The following PTPRM variants were observed in gnomAD, a reference collection of about 807,000 sequenced individuals.
PTPRM encodes receptor-type tyrosine-protein phosphatase mu.
A neutral mutation model predicts 186.7 loss-of-function variants in PTPRM; 47 were observed. That is an observed-to-expected ratio of 0.25 (90% CI 0.20 to 0.32). The LOEUF is 0.32. Among genes scored for constraint, PTPRM ranks in the 10% least tolerant of loss-of-function variants. The pLI, the probability that PTPRM is intolerant of heterozygous loss-of-function variation, is 1.00. For missense variants in PTPRM, 1,494 were observed against 1,865.0 expected, an observed-to-expected ratio of 0.80 and a Z score of 3.66; for synonymous variants, 668 against 674.9, an observed-to-expected ratio of 0.99 and a Z score of 0.16.
chr18:8,334,156 G>C (rs1038927972), intron 22 of PTPRM, among the ~76,000 whole-genome samples: 5 of 152,346 alleles, frequency 3.3e-5, no homozygotes, highest in East Asian at 1.9e-4. Context: ...CTGGCAGGGA[G>C]CCATCTAGTT....
chr18:8,185,314 G>A (rs2093627833), intron 14 of PTPRM, among the ~76,000 whole-genome samples: 1 of 152,200 alleles, frequency 6.6e-6, no homozygotes, highest in Admixed American at 6.5e-5. Flanking sequence ...CCTGTGCTGT[G>A]CAGGCCACAC....
At chr18:7,674,218 G>A (rs8082872) in intron 1 of PTPRM, among the ~76,000 whole-genome samples, 14,901 of 152,134 alleles carry the variant, frequency 0.098, 1,019 homozygotes, top group South Asian at 0.19. Flanking sequence ...CTATGTCATC[G>A]GTGTTGGGGA....
intron 11 of PTPRM, among the ~76,000 whole-genome samples, chr18:8,101,943 T>A (rs1161642155): frequency 6.6e-6 from 1 of 152,188 alleles, no homozygotes. Context: ...TACAGGCATA[T>A]CTTGGAGTTA....
intron 1 of PTPRM, among the ~76,000 whole-genome samples, chr18:7,743,771 AC>A (rs1291626273): frequency 6.6e-6 from 1 of 152,244 alleles, no homozygotes; most frequent in African/African-American, 2.4e-5. Flanking sequence ...TTATAGAGAA[AC>A]CTATGCTTGT....
chr18:8,254,415 G>A (rs2094555918), intron 19 of PTPRM, among the ~76,000 whole-genome samples: 1 of 152,230 alleles, frequency 6.6e-6, no homozygotes, highest in Admixed American at 6.5e-5. Flanking sequence ...AGCAGGACAG[G>A]AAAGTTGGAT....
chr18:7,977,797 A>G (rs576040867), intron 7 of PTPRM, among the ~76,000 whole-genome samples: 230 of 152,140 alleles, frequency 1.5e-3, no homozygotes, highest in African/African-American at 5.2e-3. Flanking sequence ...TTCATAATAC[A>G]GTTCTATGTC....
At position 8,326,304 on chromosome 18, in the gene PTPRM, A is replaced by T. The variant is rs117648870; in HGVS notation, c.2956+7090A>T. Among the ~76,000 whole-genome samples, 97 of 152,346 alleles carry T rather than the reference A, an allele frequency of 6.4e-4. 1 individual carries two copies. In the East Asian group the frequency reaches 0.017, roughly 26 times the overall value. ...TCAGGGATGATACAAACAGTGAAAAAATATTCCATGCTCATGGATAGGAAG... is the reference window on the plus strand; with the variant it reads ...TCAGGGATGATACAAACAGTGAAAATATATTCCATGCTCATGGATAGGAAG... On this transcript the variant is annotated intron_variant, in intron 22 of 32. Transcript: ENST00000580170.
rs1253219556 is a variant in PTPRM at position 7,712,649 on chromosome 18, A to G, written c.74-61500A>G. Among the ~76,000 whole-genome samples, 9 of 152,010 alleles carry G rather than the reference A, an allele frequency of 5.9e-5. No homozygotes were observed. In the East Asian group the frequency reaches 1.8e-3, roughly 30 times the overall value. On this transcript the variant is annotated intron_variant, in intron 1 of 32. Coordinates refer to ENST00000580170, the MANE Select transcript of PTPRM (RefSeq NM_001105244.2). ...AAAGGTTAGAGGAATTGCTAAGTGG[A>G]ATAACCAGTTTAGAGAAGAACATAA...
At chr18:8,383,464 CT>C (rs1388967679) in intron 29 of PTPRM, among the ~76,000 whole-genome samples, 2 of 151,998 alleles carry the variant, frequency 1.3e-5, no homozygotes, top group Non-Finnish European at 2.9e-5. Flanking sequence ...GCAGTTCTTC[CT>C]TCCTGACTAT....
chr18:7,851,188 G>A (rs781667466), intron 2 of PTPRM, among the ~76,000 whole-genome samples: 17 of 152,070 alleles, frequency 1.1e-4, no homozygotes, highest in Non-Finnish European at 2.5e-4. Context: ...ACAAAAGAAC[G>A]GAAAACACCA....
At chr18:8,390,882 C>T (rs149030293) in intron 31 of PTPRM, among the ~76,000 whole-genome samples, 3,744 of 151,590 alleles carry the variant, frequency 0.025, 58 homozygotes, top group South Asian at 0.03. Flanking sequence ...GAGTCAAGAT[C>T]GTGCCACTGC....
rs1294627872 is a variant in PTPRM, at chr18:7,567,431, G to GCGGCCA, written c.-374_-369dup. On this transcript the variant is annotated 5_prime_UTR_variant, in exon 1 of 33. Transcript: ENST00000580170. The surrounding 1 kb of genome is among the most constrained non-coding windows in gnomAD (Gnocchi z 4.3). Reference sequence around the variant, plus strand: ...TGGAGAGGCGGCGGGCGGAACGCGCGCGGCCACGGCCACGGCCACCGCCAC... The same window carrying GCGGCCA: ...TGGAGAGGCGGCGGGCGGAACGCGCGCGGCCACGGCCACGGCCACGGCCACCGCCAC... The GCGGCCA allele has an allele frequency of 2.0e-4, 31 of 153,558 alleles. No homozygotes were observed. The South Asian group carries it at 3.9e-3, about 19-fold the overall frequency. 9.5% of individuals were successfully genotyped at this position (153,558 alleles called of 1,614,324 possible).
At chr18:8,012,069 CCTAT>C (rs2084565298) in intron 7 of PTPRM, among the ~76,000 whole-genome samples, 2 of 152,266 alleles carry the variant, frequency 1.3e-5, no homozygotes, top group Admixed American at 1.3e-4. Context: ...CTCTAGTGGA[CCTAT>C]CTGTGTGGTC....
At chr18:8,397,777 C>G (rs1182314654) in intron 32 of PTPRM, among the ~76,000 whole-genome samples, 1 of 152,240 alleles carries the variant, frequency 6.6e-6, no homozygotes, top group Admixed American at 6.5e-5. Context: ...TCCCCTCTCA[C>G]TTTTGCCTTC....
intron 7 of PTPRM, among the ~76,000 whole-genome samples, chr18:8,015,293 T>C (rs562229072): frequency 1.3e-5 from 2 of 152,362 alleles, no homozygotes; most frequent in African/African-American, 4.8e-5. Context: ...AAACAGTTGA[T>C]TGACACATAT....
At chr18:7,816,908 G>C (rs982039509) in intron 2 of PTPRM, among the ~76,000 whole-genome samples, 9 of 151,764 alleles carry the variant, frequency 5.9e-5, no homozygotes, top group African/African-American at 2.2e-4. Context: ...CATAATAACT[G>C]AAATTTCATT....
chr18:8,209,400 T>A (rs1033771675), intron 14 of PTPRM, among the ~76,000 whole-genome samples: 1 of 151,982 alleles, frequency 6.6e-6, no homozygotes. Flanking sequence ...AAGAAAAAAA[T>A]CAAGGATGTC....
chr18:8,128,415 A>AT (rs1343094865), intron 13 of PTPRM, among the ~76,000 whole-genome samples: 1 of 152,058 alleles, frequency 6.6e-6, no homozygotes. Flanking sequence ...GATTTTTGAG[A>AT]TTTTCAGCAT....
intron 2 of PTPRM, among the ~76,000 whole-genome samples, chr18:7,856,332 T>G: frequency 6.6e-6 from 1 of 152,216 alleles, no homozygotes; most frequent in East Asian, 1.9e-4. Flanking sequence ...GCAACTATGA[T>G]AGCAGTTTGA....
Sources: allele counts gnomAD v4.1 joint callset (sites outside exome capture counted in the v4.1 genomes callset), GRCh38; gene constraint gnomAD v4.1.1; non-coding constraint Gnocchi (gnomAD v3.1); transcripts MANE v1.5; gene names NCBI Gene and HGNC (gene_info 2026-07-23, HGNC 2026-07-21).